VTI1A: variants seen among roughly 807,000 people sequenced by gnomAD.
The protein encoded by VTI1A is vesicle transport through interaction with t-SNAREs homolog 1A.
In VTI1A, 22 loss-of-function variants were observed where a neutral mutation model predicts 34.9. That is an observed-to-expected ratio of 0.63 (90% CI 0.45 to 0.90). The LOEUF is 0.90. VTI1A is among the 40% of genes least tolerant of loss of function. VTI1A has a pLI of 0.00. For synonymous variants in VTI1A, 87 were observed against 97.3 expected (o/e 0.89, Z 0.62); for missense variants, 268 against 275.6 (o/e 0.97, Z 0.20).
chr10:112,517,575 A>T (rs1397740182), intron 3 of VTI1A, among the ~76,000 whole-genome samples: 1 of 152,092 alleles, frequency 6.6e-6, no homozygotes, highest in Admixed American at 6.6e-5. Flanking sequence ...AATAAACTTG[A>T]TAAACACTAC....
At chr10:112,485,341 C>T (rs1848587078) in intron 3 of VTI1A, 1 of 151,822 alleles carries the variant, frequency 6.6e-6, no homozygotes, top group South Asian at 2.1e-4. Flanking sequence ...GTCCATTGAG[C>T]ATATCTTTTG....
chr10:112,669,009 G>T lies in VTI1A; in HGVS notation c.560+11G>T. On this transcript the variant is annotated intron_variant, in intron 7 of 7. Coordinates refer to ENST00000393077, the MANE Select transcript of VTI1A (RefSeq NM_145206.4). ...AGGGATGTTGCGAAGGTAAGAGCAAGGTAGGGACATATCTTTCTCTCTGTG... is the reference window on the plus strand; with the variant it reads ...AGGGATGTTGCGAAGGTAAGAGCAATGTAGGGACATATCTTTCTCTCTGTG... The T allele has an allele frequency of 1.9e-6, 3 of 1,611,686 alleles. No individual in the cohort carries two copies. The highest frequency in any genetic ancestry group is 2.2e-5 in the South Asian group (2 of 90,866).
At chr10:112,641,960 C>T (rs1450643570) in intron 5 of VTI1A, among the ~76,000 whole-genome samples, 1 of 152,146 alleles carries the variant, frequency 6.6e-6, no homozygotes, top group Non-Finnish European at 1.5e-5. Context: ...TTGAACTGAT[C>T]GCACCGTGTT....
At chr10:112,531,114 TGCGCGCGCGC>T (rs142898727) in intron 4 of VTI1A, among the ~76,000 whole-genome samples, 12 of 113,884 alleles carry the variant, frequency 1.1e-4, no homozygotes, top group African/African-American at 3.0e-4. Flanking sequence ...CGTGCGCACG[TGCGCGCGCGC>T]GCATGAACCC....
At chr10:112,673,468 G>GCACACA (rs150053497) in intron 7 of VTI1A, among the ~76,000 whole-genome samples, 2,045 of 151,650 alleles carry the variant, frequency 0.013, 13 homozygotes, top group Admixed American at 0.019. Flanking sequence ...GCGTGCGCGC[G>GCACACA]CACACACACA....
At chr10:112,517,735 G>A (rs536221063) in intron 3 of VTI1A, among the ~76,000 whole-genome samples, 1 of 152,036 alleles carries the variant, frequency 6.6e-6, no homozygotes, top group African/African-American at 2.4e-5. Context: ...AAAAATATCA[G>A]GCAAATCCTA....
the VTI1A span, among the ~76,000 whole-genome samples, chr10:112,834,278 G>C: frequency 6.6e-6 from 1 of 152,162 alleles, no homozygotes; most frequent in Admixed American, 6.5e-5. Context: ...ATGGGAGCTT[G>C]TTCTCTTAGT....
At chr10:112,484,081 A>G (rs922887931) in intron 3 of VTI1A, among the ~76,000 whole-genome samples, 2 of 152,230 alleles carry the variant, frequency 1.3e-5, no homozygotes, top group Non-Finnish European at 2.9e-5. Context: ...ACCTACACTT[A>G]TTTCAAATAG....
At chr10:112,649,076 C>T (rs1846910115) in intron 5 of VTI1A, among the ~76,000 whole-genome samples, 1 of 152,052 alleles carries the variant, frequency 6.6e-6, no homozygotes, top group Non-Finnish European at 1.5e-5. Flanking sequence ...AGTTGACTAG[C>T]TAACTAATAA....
intron 7 of VTI1A, among the ~76,000 whole-genome samples, chr10:112,750,169 C>A (rs1564911103): frequency 6.9e-6 from 1 of 145,418 alleles, no homozygotes; most frequent in Non-Finnish European, 1.5e-5. Flanking sequence ...AAGAGACTGA[C>A]TTTTTTTTTT....
the VTI1A span, chr10:112,831,294 A>G: frequency 6.6e-6 from 1 of 152,246 alleles, no homozygotes; most frequent in Non-Finnish European, 1.5e-5. Flanking sequence ...AAGCCTGAGC[A>G]CTGTGCATGG....
intron 5 of VTI1A, among the ~76,000 whole-genome samples, chr10:112,635,247 G>T (rs1400849955): frequency 6.6e-6 from 1 of 152,228 alleles, no homozygotes; most frequent in Non-Finnish European, 1.5e-5. Flanking sequence ...AGATGAGACA[G>T]CGTGCTGAGG....
At chr10:112,582,913 A>G (rs1235445283) in intron 5 of VTI1A, among the ~76,000 whole-genome samples, 1 of 152,132 alleles carries the variant, frequency 6.6e-6, no homozygotes, top group African/African-American at 2.4e-5. Flanking sequence ...CAAGAAAATA[A>G]GACCCTCTAA....
intron 7 of VTI1A, among the ~76,000 whole-genome samples, chr10:112,680,964 G>A (rs1285703449): frequency 6.6e-6 from 1 of 152,026 alleles, no homozygotes; most frequent in Non-Finnish European, 1.5e-5. Context: ...GCTGTGTTGA[G>A]GATACATAGG....
intron 7 of VTI1A, among the ~76,000 whole-genome samples, chr10:112,696,489 C>G (rs1179186560): frequency 6.6e-6 from 1 of 152,072 alleles, no homozygotes; most frequent in Non-Finnish European, 1.5e-5. Context: ...CATTCTATAT[C>G]CATTTTTGCT....
the VTI1A span, among the ~76,000 whole-genome samples, chr10:112,843,039 C>T: frequency 6.6e-6 from 1 of 152,202 alleles, no homozygotes; most frequent in Non-Finnish European, 1.5e-5. Context: ...TGGCTGCAGC[C>T]ACCAACCTCA....
At chr10:112,726,751 CTTGG>C (rs1850042915) in intron 7 of VTI1A, among the ~76,000 whole-genome samples, 1 of 152,084 alleles carries the variant, frequency 6.6e-6, no homozygotes, top group Non-Finnish European at 1.5e-5. Context: ...CTCAGGGTAT[CTTGG>C]AGTTTCATTT....
intron 5 of VTI1A, among the ~76,000 whole-genome samples, chr10:112,576,740 T>C (rs1485956481): frequency 1.3e-5 from 2 of 152,182 alleles, no homozygotes; most frequent in Admixed American, 6.5e-5. Context: ...CATTCTATAT[T>C]TGAGTGCCAA....
intron 5 of VTI1A, among the ~76,000 whole-genome samples, chr10:112,563,313 C>CTATA (rs1851793553): frequency 6.6e-6 from 1 of 152,172 alleles, no homozygotes. Context: ...CAAACAAAGA[C>CTATA]TATAACCCAC....
Sources: allele counts gnomAD v4.1 joint callset (sites outside exome capture counted in the v4.1 genomes callset), GRCh38; gene constraint gnomAD v4.1.1; transcripts MANE v1.5; gene names NCBI Gene and HGNC (gene_info 2026-07-23, HGNC 2026-07-21).